The following FRMD4B variants were observed in gnomAD, a reference collection of about 807,000 sequenced individuals.
The protein encoded by FRMD4B is FERM domain containing 4B, also known as FERM domain-containing protein 4B.
A neutral mutation model predicts 141.5 loss-of-function variants in FRMD4B; 74 were observed. That is an observed-to-expected ratio of 0.52 (90% CI 0.43 to 0.63). The LOEUF is 0.63. Ranked by LOEUF, FRMD4B falls within the 30% of genes least tolerant of loss-of-function variation. FRMD4B has a pLI of 0.00. For synonymous variants in FRMD4B, 506 were observed against 467.9 expected (o/e 1.08, Z -1.05); for missense variants, 1,366 against 1,253.4 (o/e 1.09, Z -1.36).
chr3:69,195,049 T>C lies in FRMD4B; in HGVS notation c.1461A>G (p.Leu487=). 2 of 1,613,864 alleles carry C rather than the reference T, an allele frequency of 1.2e-6. No individual in the cohort carries two copies. The highest frequency in any genetic ancestry group is 1.7e-6 in the Non-Finnish European group (2 of 1,179,742). Residue 487 remains leucine (L), a synonymous_variant, in exon 16 of 23, where the codon TTA becomes TTG. Coordinates refer to ENST00000398540, the MANE Select transcript of FRMD4B (RefSeq NM_015123.3). ...CTTCACTCGGCAGCAAGTTGTCATC[T>C]AATTTGAACGCAGTACCCACACGTC... The part of the protein sequence containing the change: ...VRRRVGTAFK[L]DDNLLPSEED...
intron 5 of FRMD4B, among the ~76,000 whole-genome samples, chr3:69,284,603 G>A (rs970890559): frequency 1.1e-4 from 16 of 151,872 alleles, no homozygotes; most frequent in Admixed American, 7.9e-4. Context: ...AATATTTATA[G>A]GAACACAAAA....
chr3:69,473,951 C>T (rs1482255852), intron 1 of FRMD4B, among the ~76,000 whole-genome samples: 1 of 152,134 alleles, frequency 6.6e-6, no homozygotes, highest in South Asian at 2.1e-4. Context: ...CCATCCCAGC[C>T]GTATCCCATC....
At chr3:69,204,072 T>C (rs116271615) in intron 11 of FRMD4B, among the ~76,000 whole-genome samples, 1,709 of 152,188 alleles carry the variant, frequency 0.011, 25 homozygotes, top group African/African-American at 0.039. Flanking sequence ...TTCTGTATCA[T>C]GGAGGACATA....
chr3:69,263,325 G>A (rs1409778041), intron 5 of FRMD4B, among the ~76,000 whole-genome samples: 1 of 151,548 alleles, frequency 6.6e-6, no homozygotes, highest in Non-Finnish European at 1.5e-5. Context: ...AAGAGAAAAT[G>A]TGAGGGGCTT....
chr3:69,337,844 T>C (rs1702606922), intron 1 of FRMD4B, among the ~76,000 whole-genome samples: 1 of 152,138 alleles, frequency 6.6e-6, no homozygotes, highest in South Asian at 2.1e-4. Flanking sequence ...TAGGAACACT[T>C]TGACACTGTT....
intron 7 of FRMD4B, chr3:69,228,671 C>T (rs2093277297): frequency 6.1e-6 from 2 of 330,366 alleles, no homozygotes. Context: ...CTTGTTTCTA[C>T]AAGAAATTTT....
intron 22 of FRMD4B, among the ~76,000 whole-genome samples, chr3:69,174,839 T>C (rs2092625782): frequency 6.6e-6 from 1 of 152,182 alleles, no homozygotes; most frequent in South Asian, 2.1e-4. Flanking sequence ...TTTGCAAATA[T>C]ATTATTAAAA....
intron 5 of FRMD4B, among the ~76,000 whole-genome samples, chr3:69,267,628 TATATATATAGAGAGAGAGAGAG>T (rs1559765428): frequency 2.9e-3 from 35 of 11,914 alleles, no homozygotes; most frequent in East Asian, 0.014. Flanking sequence ...TATATATATA[TATATATATAGAGAGAGAGAGAG>T]AGAGAGAGAG....
chr3:69,193,248 C>A (rs1481515736), intron 17 of FRMD4B, among the ~76,000 whole-genome samples: 1 of 152,176 alleles, frequency 6.6e-6, no homozygotes, highest in Non-Finnish European at 1.5e-5. Flanking sequence ...GTGGCTCATG[C>A]CTGTAATGCC....
chr3:69,330,250 C>T (rs1702319750), intron 1 of FRMD4B, among the ~76,000 whole-genome samples: 1 of 150,194 alleles, frequency 6.7e-6, no homozygotes, highest in Admixed American at 6.6e-5. Context: ...TTTGAAGGTC[C>T]CATTGGCAGC....
rs376786626 is a variant in FRMD4B, at chr3:69,503,748, C to T, written c.-129+38458G>A. Among the ~76,000 whole-genome samples, 88 of 152,284 alleles carry T rather than the reference C, an allele frequency of 5.8e-4. 1 individual carries two copies. The South Asian group carries it at 0.018, about 31-fold the overall frequency. ...CATGCCCCATCATGCATGCTTCCATCAGGGTATATACTTCCCACTTTGGAG... is the reference window on the plus strand; with the variant it reads ...CATGCCCCATCATGCATGCTTCCATTAGGGTATATACTTCCCACTTTGGAG... On this transcript the variant is annotated intron_variant, in intron 1 of 5. Coordinates refer to the FRMD4B transcript ENST00000459638.
chr3:69,416,650 G>C (rs1704868960), intron 2 of FRMD4B, among the ~76,000 whole-genome samples: 1 of 152,016 alleles, frequency 6.6e-6, no homozygotes, highest in Non-Finnish European at 1.5e-5. Flanking sequence ...CATCATCTAG[G>C]TTTTAAGCCC....
chr3:69,217,095 A>G (rs1933716314), intron 10 of FRMD4B, among the ~76,000 whole-genome samples: 1 of 152,214 alleles, frequency 6.6e-6, no homozygotes, highest in South Asian at 2.1e-4. Context: ...TGATGTTTAT[A>G]AAACAATTAA....
At chr3:69,455,599 C>A (rs1049303614) in intron 1 of FRMD4B, among the ~76,000 whole-genome samples, 1 of 152,174 alleles carries the variant, frequency 6.6e-6, no homozygotes, top group African/African-American at 2.4e-5. Flanking sequence ...ACCCTGGATG[C>A]ACCATCTTTA....
At chr3:69,172,782 A>G (rs2092601874) in intron 22 of FRMD4B, among the ~76,000 whole-genome samples, 1 of 152,198 alleles carries the variant, frequency 6.6e-6, no homozygotes, top group Non-Finnish European at 1.5e-5. Context: ...CCGATAAGCA[A>G]AACCCCATTA....
chr3:69,261,276 T>A (rs1391718745), intron 5 of FRMD4B, among the ~76,000 whole-genome samples: 2 of 152,190 alleles, frequency 1.3e-5, no homozygotes, highest in Non-Finnish European at 2.9e-5. Flanking sequence ...AGGAATGGAC[T>A]TTGGACACAC....
intron 1 of FRMD4B, among the ~76,000 whole-genome samples, chr3:69,327,672 T>C (rs1037539834): frequency 1.5e-4 from 23 of 152,174 alleles, no homozygotes; most frequent in Admixed American, 5.2e-4. Context: ...AACAAACGGA[T>C]TGTATTAGGT....
intron 4 of FRMD4B, among the ~76,000 whole-genome samples, chr3:69,291,170 T>C (rs984510973): frequency 2.0e-5 from 3 of 152,142 alleles, no homozygotes; most frequent in Non-Finnish European, 4.4e-5. Context: ...CTCCCTGCCC[T>C]AAAAAAATCC....
chr3:69,460,267 ATGT>A (rs1165981762), intron 1 of FRMD4B, among the ~76,000 whole-genome samples: 3 of 152,200 alleles, frequency 2.0e-5, no homozygotes, highest in Non-Finnish European at 4.4e-5. Flanking sequence ...TCATCATCAC[ATGT>A]TGTTGGCCAG....
Sources: gnomAD v4.1 joint callset for allele counts (sites outside exome capture counted in the v4.1 genomes callset) on GRCh38, gnomAD v4.1.1 for gene constraint, MANE v1.5 for transcripts, NCBI Gene and HGNC (gene_info 2026-07-23, HGNC 2026-07-21) for gene names.